MTHFS: variants seen among roughly 807,000 people sequenced by gnomAD.
The protein encoded by MTHFS is methenyltetrahydrofolate synthetase, also known as 5-formyltetrahydrofolate cyclo-ligase.
Under a neutral mutation model 12.7 loss-of-function variants are expected in MTHFS, and 7 were observed. The observed-to-expected ratio is 0.55, with a 90% CI of 0.31 to 1.03. The LOEUF is 1.03. Among genes scored for constraint, MTHFS ranks in the 50% least tolerant of loss-of-function variants. The pLI is 0.05. For synonymous variants in MTHFS, 100 were observed against 97.1 expected, an observed-to-expected ratio of 1.03 and a Z score of -0.18; for missense variants, 252 against 258.1, an observed-to-expected ratio of 0.98 and a Z score of 0.16.
rs373651808 is a variant in MTHFS, at chr15:79,870,665, A to C, written c.379+18428T>G. ...AAGAATAAAGAAGATATGCTATAAC[A>C]GTAGGAACAAGGAATCATGAACCCA... On this transcript the variant is annotated intron_variant, in intron 2 of 2. Transcript: ENST00000258874. Among the ~76,000 whole-genome samples the C allele has an allele frequency of 7.2e-5, 11 of 152,354 alleles. No individual in the cohort carries two copies. The South Asian group carries it at 2.3e-3, about 32-fold the overall frequency.
chr15:79,858,490 C>G (rs966473818), intron 2 of MTHFS, among the ~76,000 whole-genome samples: 45 of 152,164 alleles, frequency 3.0e-4, no homozygotes, highest in African/African-American at 9.7e-4. Context: ...TGACTTCGGA[C>G]AAGTCATTTC....
intron 2 of MTHFS, among the ~76,000 whole-genome samples, chr15:79,858,941 C>T (rs967501289): frequency 2.6e-5 from 4 of 152,198 alleles, no homozygotes; most frequent in Non-Finnish European, 5.9e-5. Flanking sequence ...AGCTTAACAA[C>T]ACAATGGACA....
chr15:79,871,986 T>A (rs924898823), intron 2 of MTHFS, among the ~76,000 whole-genome samples: 1 of 150,134 alleles, frequency 6.7e-6, no homozygotes, highest in Non-Finnish European at 1.5e-5. Context: ...CCACCTGTAA[T>A]CCCAGCTACT....
At chr15:79,851,739 G>T (rs566691820) in intron 2 of MTHFS, among the ~76,000 whole-genome samples, 1 of 152,200 alleles carries the variant, frequency 6.6e-6, no homozygotes, top group African/African-American at 2.4e-5. Context: ...CAGCTCATAA[G>T]AGGTGAAGCT....
chr15:79,896,641 C>T, intron 1 of MTHFS: 4 of 750,482 alleles, frequency 5.3e-6, no homozygotes, highest in Non-Finnish European at 8.0e-6. Flanking sequence ...TCCTCTCGCT[C>T]TTTAGCCCCA....
intron 1 of MTHFS, among the ~76,000 whole-genome samples, chr15:79,895,390 C>T (rs16971515): frequency 0.3 from 45,097 of 152,082 alleles, 7,142 homozygotes; most frequent in Middle Eastern, 0.38. Context: ...TGGTGTTTAC[C>T]TTTATCATAT....
At chr15:79,891,518 T>C (rs1411471669) in intron 1 of MTHFS, among the ~76,000 whole-genome samples, 5 of 151,962 alleles carry the variant, frequency 3.3e-5, no homozygotes, top group South Asian at 2.1e-4. Context: ...GAAACTAAAA[T>C]TGTGATTAGC....
In MTHFS at chr15:79,887,853, T is replaced by C. The variant is rs147945466; in HGVS notation, c.379+1240A>G. Reference sequence around the variant, plus strand: ...GAATGTATTTTTGGTGCCTAACATCTAGCAAAGCCCAAGATTGGACAATAC... The same window carrying C: ...GAATGTATTTTTGGTGCCTAACATCCAGCAAAGCCCAAGATTGGACAATAC... On this transcript the variant is annotated intron_variant, in intron 2 of 2. Transcript: ENST00000258874. Among the ~76,000 whole-genome samples the C allele has an allele frequency of 7.2e-5, 11 of 152,292 alleles. No individual in the cohort carries two copies. The East Asian group carries it at 2.1e-3, about 29-fold the overall frequency.
rs1216484314 is a variant in MTHFS, at chr15:79,896,717, C to G, written c.117+155G>C. 12 of 900,452 alleles carry G rather than the reference C, an allele frequency of 1.3e-5. No individual in the cohort carries two copies. The East Asian group carries it at 5.0e-4, about 37-fold the overall frequency. The allele number at this position is 900,452 out of a possible 1,614,324, so 55.8% of individuals were successfully genotyped here. On this transcript the variant is annotated intron_variant, in intron 1 of 2. Coordinates refer to ENST00000258874, the MANE Select transcript of MTHFS (RefSeq NM_006441.4). Reference sequence around the variant, plus strand: ...GAGCGTCCAGACCACGACTAGGGGGCGTGCGCGCGCCGGGAGGGGAAACGT... The same window carrying G: ...GAGCGTCCAGACCACGACTAGGGGGGGTGCGCGCGCCGGGAGGGGAAACGT...
chr15:79,856,525 A>G (rs185396738), intron 2 of MTHFS, among the ~76,000 whole-genome samples: 1 of 152,344 alleles, frequency 6.6e-6, no homozygotes, highest in East Asian at 1.9e-4. Flanking sequence ...AAAAACAAAC[A>G]TTATATGATC....
chr15:79,879,023 C>T (rs1310645357), intron 2 of MTHFS, among the ~76,000 whole-genome samples: 1 of 151,126 alleles, frequency 6.6e-6, no homozygotes, highest in Admixed American at 6.6e-5. Flanking sequence ...AAGATGTAAT[C>T]CCTCCAGAAA....
At chr15:79,863,250 C>T (rs1302771488) in intron 2 of MTHFS, among the ~76,000 whole-genome samples, 2 of 152,174 alleles carry the variant, frequency 1.3e-5, no homozygotes, top group South Asian at 4.1e-4. Flanking sequence ...AAGGGATGGT[C>T]CACTCCCAGT....
upstream of MTHFS, chr15:79,897,229 G>A (rs2034599608): frequency 2.2e-6 from 1 of 454,636 alleles, no homozygotes. Flanking sequence ...CCCCGGTTAG[G>A]GGAGCGGTGG....
intron 2 of MTHFS, among the ~76,000 whole-genome samples, chr15:79,859,211 C>A (rs967837366): frequency 7.2e-5 from 11 of 152,184 alleles, no homozygotes; most frequent in African/African-American, 2.7e-4. Flanking sequence ...GGAAAAGAAA[C>A]TAACAAAATT....
chr15:79,883,607 G>A (rs2034332824), intron 2 of MTHFS, among the ~76,000 whole-genome samples: 1 of 152,176 alleles, frequency 6.6e-6, no homozygotes. Context: ...AAGGTTTGGG[G>A]GAAATAATTT....
At chr15:79,888,970 T>G in intron 2 of MTHFS, 123 bp downstream of exon 2, 2 of 1,430,298 alleles carry the variant, frequency 1.4e-6, no homozygotes, top group Non-Finnish European at 1.9e-6. Context: ...TCTTGGAACG[T>G]AGGCAAAATA....
chr15:79,896,718 GTGCGCGCGCCGGGAGGGGAAA>G, intron 1 of MTHFS, 133 bp downstream of exon 1: 1 of 926,158 alleles, frequency 1.1e-6, no homozygotes, highest in African/African-American at 3.0e-5. Flanking sequence ...ACTAGGGGGC[GTGCGCGCGCCGGGAGGGGAAA>G]CGTGCGCGCG....
intron 2 of MTHFS, among the ~76,000 whole-genome samples, chr15:79,849,953 G>C (rs1662010945): frequency 6.6e-6 from 1 of 152,240 alleles, no homozygotes; most frequent in South Asian, 2.1e-4. Flanking sequence ...TTTGGTGCTG[G>C]CTCTGAAACA....
chr15:79,862,147 C>T (rs1195379126), intron 2 of MTHFS, among the ~76,000 whole-genome samples: 2 of 151,890 alleles, frequency 1.3e-5, no homozygotes, highest in East Asian at 1.9e-4. Context: ...TTGGCCAAGA[C>T]GGCTAACTGA....
Sources: allele counts gnomAD v4.1 joint callset (sites outside exome capture counted in the v4.1 genomes callset), GRCh38; gene constraint gnomAD v4.1.1; transcripts MANE v1.5; gene names NCBI Gene and HGNC (gene_info 2026-07-23, HGNC 2026-07-21).